Variants in PABPC4L observed in about 807,000 individuals in gnomAD.
PABPC4L encodes the protein polyadenylate-binding protein 4-like.
For synonymous variants in PABPC4L, 169 were observed against 164.1 expected, an observed-to-expected ratio of 1.03 and a Z score of -0.23; for missense variants, 452 against 451.4, an observed-to-expected ratio of 1.00 and a Z score of -0.01.
downstream of PABPC4L, among the ~76,000 whole-genome samples, chr4:134,193,123 C>T (rs1482793192): frequency 6.6e-6 from 1 of 151,970 alleles, no homozygotes; most frequent in Non-Finnish European, 1.5e-5. Flanking sequence ...TTTGTGCTGC[C>T]GTAGTGTATG....
the PABPC4L span, among the ~76,000 whole-genome samples, chr4:134,143,136 T>C: frequency 6.6e-6 from 1 of 151,354 alleles, no homozygotes; most frequent in East Asian, 1.9e-4. Flanking sequence ...CCTCAAAATA[T>C]ATATTATAAA....
the PABPC4L span, among the ~76,000 whole-genome samples, chr4:134,039,937 G>A: frequency 2.0e-5 from 3 of 151,920 alleles, no homozygotes; most frequent in Non-Finnish European, 2.9e-5. Context: ...CAAACTGAGA[G>A]CCAAATCATG....
At chr4:134,180,962 G>A in the PABPC4L span, among the ~76,000 whole-genome samples, 1 of 151,758 alleles carries the variant, frequency 6.6e-6, no homozygotes, top group Non-Finnish European at 1.5e-5. Context: ...TAAAGGAGAG[G>A]TGGTAACATT....
At chr4:133,998,616 T>G in the PABPC4L span, among the ~76,000 whole-genome samples, 2 of 152,168 alleles carry the variant, frequency 1.3e-5, no homozygotes, top group East Asian at 1.9e-4. Context: ...AATACAAATC[T>G]GTGAACCCTT....
chr4:134,158,976 T>C, the PABPC4L span, among the ~76,000 whole-genome samples: 1 of 152,114 alleles, frequency 6.6e-6, no homozygotes, highest in Non-Finnish European at 1.5e-5. Context: ...TGATCAGTAT[T>C]TGTGTATCTA....
At chr4:134,150,720 T>C in the PABPC4L span, among the ~76,000 whole-genome samples, 1 of 152,156 alleles carries the variant, frequency 6.6e-6, no homozygotes, top group Admixed American at 6.6e-5. Context: ...CCCCCACCCT[T>C]GGCATTCTTC....
chr4:134,097,909 G>A, the PABPC4L span, among the ~76,000 whole-genome samples: 2 of 151,748 alleles, frequency 1.3e-5, no homozygotes, highest in African/African-American at 4.8e-5. Flanking sequence ...TACTCCTGCG[G>A]TTTTGTCATT....
the PABPC4L span, among the ~76,000 whole-genome samples, chr4:133,987,232 GT>G: frequency 2.0e-5 from 3 of 152,100 alleles, no homozygotes; most frequent in Non-Finnish European, 4.4e-5. Context: ...ATGCATCAGG[GT>G]GAATACATTT....
At chr4:133,991,381 AG>A in the PABPC4L span, among the ~76,000 whole-genome samples, 1 of 152,258 alleles carries the variant, frequency 6.6e-6, no homozygotes, top group Middle Eastern at 3.4e-3. Flanking sequence ...ATTGATTCCA[AG>A]GTTGAGAGGT....
At chr4:134,044,951 T>C in the PABPC4L span, among the ~76,000 whole-genome samples, 20 of 152,316 alleles carry the variant, frequency 1.3e-4, 1 homozygote, top group Admixed American at 1.3e-3. Flanking sequence ...AAAATCATTA[T>C]CTGCATCTTT....
chr4:134,165,785 G>A, the PABPC4L span, among the ~76,000 whole-genome samples: 4 of 152,024 alleles, frequency 2.6e-5, no homozygotes, highest in Non-Finnish European at 4.4e-5. Context: ...CCTCTACTGG[G>A]TATCTACCTA....
chr4:134,046,474 C>A, the PABPC4L span, among the ~76,000 whole-genome samples: 1 of 152,062 alleles, frequency 6.6e-6, no homozygotes, highest in Non-Finnish European at 1.5e-5. Context: ...ACATTCCCTT[C>A]CCAGGGACAT....
the PABPC4L span, among the ~76,000 whole-genome samples, chr4:134,069,740 A>T: frequency 6.6e-6 from 1 of 152,090 alleles, no homozygotes; most frequent in Admixed American, 6.5e-5. Context: ...CATTCCTTAA[A>T]ATCCTTGCGT....
chr4:134,008,225 T>A, the PABPC4L span, among the ~76,000 whole-genome samples: 1 of 151,846 alleles, frequency 6.6e-6, no homozygotes, highest in African/African-American at 2.4e-5. Flanking sequence ...GCATAAACCA[T>A]GTTTTCGAGA....
chr4:134,197,709 T>G lies in PABPC4L; in HGVS notation c.*2198A>C, dbSNP rs190006845. On this transcript the variant is annotated 3_prime_UTR_variant, in exon 2 of 2. Transcript: ENST00000421491. ...AGTGAGTACACAAATACTGTTTAAC[T>G]TTTGTAATTTACAAAAGTGAAATAA... is the stretch of plus-strand genomic sequence containing the variant. 1 of 151,904 alleles carries G rather than the reference T, an allele frequency of 6.6e-6. No homozygotes were observed. Among genetic ancestry groups the G allele is most frequent in the African/African-American group, 2.4e-5 (1 of 41,544 alleles). 9.4% of individuals were successfully genotyped at this position (151,904 alleles called of 1,614,324 possible). A position where few individuals can be genotyped will look rare whatever the true frequency, so the allele number is the denominator to read the frequency against.
the PABPC4L span, among the ~76,000 whole-genome samples, chr4:134,022,625 A>G: frequency 2.6e-5 from 4 of 152,046 alleles, no homozygotes; most frequent in East Asian, 7.8e-4. Flanking sequence ...TGAATATAAT[A>G]ATATAGTAAC....
the PABPC4L span, among the ~76,000 whole-genome samples, chr4:133,970,990 A>G: frequency 6.6e-6 from 1 of 151,982 alleles, no homozygotes; most frequent in Non-Finnish European, 1.5e-5. Flanking sequence ...GCCCAAACAG[A>G]CTAAGACAAT....
At chr4:134,152,181 A>G in the PABPC4L span, among the ~76,000 whole-genome samples, 1 of 152,048 alleles carries the variant, frequency 6.6e-6, no homozygotes, top group African/African-American at 2.4e-5. Context: ...TTCTTTTGAT[A>G]AAAATGAATA....
At chr4:133,998,120 T>C in the PABPC4L span, among the ~76,000 whole-genome samples, 5 of 151,786 alleles carry the variant, frequency 3.3e-5, no homozygotes, top group Admixed American at 2.0e-4. Flanking sequence ...ATTTAATCTA[T>C]AATTTTTATA....
Sources: allele counts gnomAD v4.1 joint callset (sites outside exome capture counted in the v4.1 genomes callset), GRCh38; gene constraint gnomAD v4.1.1; transcripts MANE v1.5; gene names NCBI Gene and HGNC (gene_info 2026-07-23, HGNC 2026-07-21).